Variants in ACYP2 observed in about 807,000 individuals in gnomAD.
ACYP2 encodes acylphosphatase-2.
Under a neutral mutation model 11.2 loss-of-function variants are expected in ACYP2, and 12 were observed. The ratio of observed to expected loss-of-function variants is 1.08; its 90% CI spans 0.69 to 1.74. The LOEUF (loss-of-function observed/expected upper bound fraction) is 1.74. Ranked by LOEUF, ACYP2 falls within the 40% of genes most tolerant of loss-of-function variation. ACYP2 has a pLI of 0.00. For synonymous variants in ACYP2, 43 were observed against 32.2 expected, an observed-to-expected ratio of 1.33 and a Z score of -1.13; for missense variants, 134 against 101.9, an observed-to-expected ratio of 1.31 and a Z score of -1.35.
intron 4 of ACYP2, among the ~76,000 whole-genome samples, chr2:54,102,883 T>G (rs2103704972): frequency 6.6e-6 from 1 of 152,250 alleles, no homozygotes; most frequent in South Asian, 2.1e-4. Flanking sequence ...GTCTCATGGG[T>G]CTCAAAGGGA....
At position 54,222,769 on chromosome 2, in the gene ACYP2, G is replaced by A. The variant is rs559420930; in HGVS notation, c.405-81919G>A. Reference sequence around the variant, plus strand: ...TAATTCCCCGGCCTTACAGTCATGTGGTCCCCTTCATATGTCCTTGGAGGC... The same window carrying A: ...TAATTCCCCGGCCTTACAGTCATGTAGTCCCCTTCATATGTCCTTGGAGGC... On this transcript the variant is annotated intron_variant, in intron 6 of 6. Coordinates refer to ENST00000607452, the MANE Select transcript of ACYP2 (RefSeq NM_001320586.2). 6.6e-5 allele frequency among the ~76,000 whole-genome samples: 10 copies of A among 152,178 alleles called. No individual in the cohort carries two copies. The South Asian group carries it at 1.9e-3, about 28-fold the overall frequency.
chr2:54,236,365 T>A (rs1216652209), intron 6 of ACYP2, among the ~76,000 whole-genome samples: 2 of 152,254 alleles, frequency 1.3e-5, no homozygotes, highest in Non-Finnish European at 2.9e-5. Flanking sequence ...ACTCGTAGAA[T>A]AGTTTTAATG....
At chr2:54,209,817 G>GA (rs1166433389) in intron 6 of ACYP2, among the ~76,000 whole-genome samples, 1 of 151,714 alleles carries the variant, frequency 6.6e-6, no homozygotes, top group East Asian at 1.9e-4. Flanking sequence ...AGCAAGGATG[G>GA]AAAAAAACTT....
chr2:54,055,631 G>A (rs1490723689), intron 3 of ACYP2, among the ~76,000 whole-genome samples: 3 of 152,202 alleles, frequency 2.0e-5, no homozygotes. Flanking sequence ...CGTGATGGTG[G>A]AGATTGAATT....
intron 6 of ACYP2, among the ~76,000 whole-genome samples, chr2:54,159,354 T>C (rs1453926838): frequency 1.3e-5 from 2 of 150,894 alleles, no homozygotes; most frequent in African/African-American, 4.9e-5. Flanking sequence ...TTATATTGGA[T>C]TATGACTTTT....
At chr2:54,138,940 C>CCA (rs148474388) in intron 6 of ACYP2, among the ~76,000 whole-genome samples, 192 bp downstream of exon 3, 7,612 of 152,244 alleles carry the variant, frequency 0.05, 238 homozygotes, top group Non-Finnish European at 0.077. Context: ...CAGGTGTGAG[C>CCA]CACCGTGCCT....
rs1320122911 is a variant in ACYP2, at chr2:53,973,853, ATATGTG to A, written c.62+45_62+50del. On this transcript the variant is annotated intron_variant, in intron 2 of 6. Transcript: ENST00000607452. ...AGGGATTTTTGAATGTGGGATATAT[ATATGTG>A]TGTGTGTGTGTGTGTGTGTGTGTGT... The A allele has an allele frequency of 3.1e-3, 350 of 113,402 alleles. 5 individuals carry two copies. The highest frequency in any genetic ancestry group is 0.016 in the East Asian group (117 of 7,340). The allele number at this position is 113,402 out of a possible 1,614,324, so 7.0% of individuals were successfully genotyped here.
rs1002465672 is a variant in ACYP2, at chr2:53,992,898, C to T, written c.62+19088C>T. 1.9e-4 allele frequency among the ~76,000 whole-genome samples: 28 copies of T among 150,484 alleles called. 1 individual carries two copies. The highest frequency in any genetic ancestry group is 2.1e-4 in the South Asian group (1 of 4,746). On this transcript the variant is annotated intron_variant, in intron 2 of 6. Transcript: ENST00000607452. ...AAGGAGAAGTAACTTAAAGAGAATACGCATCAGAAAAAAGGTTTTATGGCC... is the reference window on the plus strand; with the variant it reads ...AAGGAGAAGTAACTTAAAGAGAATATGCATCAGAAAAAAGGTTTTATGGCC...
intron 2 of ACYP2, among the ~76,000 whole-genome samples, chr2:54,039,529 C>T (rs1675109805): frequency 6.6e-6 from 1 of 152,086 alleles, no homozygotes; most frequent in East Asian, 1.9e-4. Flanking sequence ...TGAGCTCAAG[C>T]AATCCACTCA....
intron 6 of ACYP2, among the ~76,000 whole-genome samples, chr2:54,149,053 C>T (rs1186651693): frequency 6.6e-6 from 1 of 152,164 alleles, no homozygotes; most frequent in Admixed American, 6.5e-5. Flanking sequence ...GAATTCGTGA[C>T]CAGCCTGGGC....
At chr2:54,171,674 C>G (rs940435997) in intron 6 of ACYP2, among the ~76,000 whole-genome samples, 2 of 152,134 alleles carry the variant, frequency 1.3e-5, no homozygotes, top group African/African-American at 4.8e-5. Context: ...TTTTTCACCC[C>G]TTTCATTAGT....
chr2:54,215,594 C>G (rs1340608965), intron 6 of ACYP2, among the ~76,000 whole-genome samples: 5 of 152,134 alleles, frequency 3.3e-5, no homozygotes, highest in African/African-American at 1.2e-4. Context: ...TAGATAGCTG[C>G]TATTGTGGTT....
In ACYP2 at chr2:54,188,790, C is replaced by G. The variant is rs13020565; in HGVS notation, c.404+50042C>G. ...TCCCAAATCAGTGTCTTCATTTTAACAAGATCCCCAGGATTGTGTGCTTGC... is the reference window on the plus strand; with the variant it reads ...TCCCAAATCAGTGTCTTCATTTTAAGAAGATCCCCAGGATTGTGTGCTTGC... On this transcript the variant is annotated intron_variant, in intron 6 of 6. Transcript: ENST00000607452. Among the ~76,000 whole-genome samples, 48 of 152,290 alleles carry G rather than the reference C, an allele frequency of 3.2e-4. 2 individuals carry two copies. The South Asian group carries it at 9.5e-3, about 30-fold the overall frequency.
At chr2:54,024,992 C>G (rs1220210757) in intron 2 of ACYP2, among the ~76,000 whole-genome samples, 1 of 152,078 alleles carries the variant, frequency 6.6e-6, no homozygotes, top group African/African-American at 2.4e-5. Flanking sequence ...TTTACAACAG[C>G]TGCAAAACAA....
At chr2:54,138,165 G>T (rs1248877172) in intron 5 of ACYP2, among the ~76,000 whole-genome samples, 1 of 151,862 alleles carries the variant, frequency 6.6e-6, no homozygotes, top group Non-Finnish European at 1.5e-5. Flanking sequence ...CCTCATTTTT[G>T]CTGGAAATTT....
At chr2:54,018,413 A>G (rs1673812969) in intron 2 of ACYP2, among the ~76,000 whole-genome samples, 1 of 152,198 alleles carries the variant, frequency 6.6e-6, no homozygotes, top group Non-Finnish European at 1.5e-5. Context: ...ACTTTAAATC[A>G]GGTGCTTTCT....
chr2:54,016,601 G>A (rs567368547), intron 2 of ACYP2, among the ~76,000 whole-genome samples: 1 of 152,226 alleles, frequency 6.6e-6, no homozygotes, highest in Admixed American at 6.5e-5. Flanking sequence ...ATAGATCTCT[G>A]TCTTAGTCTG....
intron 6 of ACYP2, among the ~76,000 whole-genome samples, chr2:54,263,252 G>A: frequency 6.6e-6 from 1 of 152,034 alleles, no homozygotes. Context: ...GAGAGAGGGA[G>A]GTGCCACACA....
At chr2:53,985,402 C>A (rs1191067438) in intron 2 of ACYP2, among the ~76,000 whole-genome samples, 1 of 151,988 alleles carries the variant, frequency 6.6e-6, no homozygotes, top group East Asian at 1.9e-4. Context: ...TATTCCATCT[C>A]AGGTCAAAAG....
Sources: allele counts gnomAD v4.1 joint callset (sites outside exome capture counted in the v4.1 genomes callset), GRCh38; gene constraint gnomAD v4.1.1; transcripts MANE v1.5; gene names NCBI Gene and HGNC (gene_info 2026-07-23, HGNC 2026-07-21).